MAGI2: variants seen among roughly 807,000 people sequenced by gnomAD.
MAGI2 encodes the protein membrane-associated guanylate kinase, WW and PDZ domain-containing protein 2.
Under a neutral mutation model 133.3 loss-of-function variants are expected in MAGI2, and 35 were observed. The ratio of observed to expected loss-of-function variants is 0.26; its 90% CI spans 0.20 to 0.35. The LOEUF (loss-of-function observed/expected upper bound fraction) is 0.35. Among genes scored for constraint, MAGI2 ranks in the 10% least tolerant of loss-of-function variants. The pLI is 1.00. For missense variants in MAGI2, 1,636 were observed against 1,863.4 expected (o/e 0.88, Z 2.25); for synonymous variants, 729 against 710.6 (o/e 1.03, Z -0.41).
intron 7 of MAGI2, among the ~76,000 whole-genome samples, chr7:78,368,742 A>T (rs1357866608): frequency 1.3e-5 from 2 of 152,156 alleles, no homozygotes; most frequent in East Asian, 3.8e-4. Context: ...AAGAAAAAAA[A>T]TCTAAATTTT....
Position 78,132,952 on chromosome 7 carries a change from G to C in MAGI2, c.3140C>G (p.Pro1047Arg), listed in dbSNP as rs762263535. ...TGCTGGCTGGGCGATGGGGCTGTTG[G>C]GGGTGGCTGGGCTTGGCTGGGCCAG... ...SPLAQPSPATPNSPIAQPAPP... is the reference protein window; with the variant it reads ...SPLAQPSPATRNSPIAQPAPP... Residue 1047 changes from proline to arginine, a missense_variant, in exon 18 of 22, where the codon CCC becomes CGC. By Grantham distance (103) the Pro-to-Arg change is moderately radical. This residue lies in a region of MAGI2 where 920 missense variants were observed against 1,093.5 expected (regional missense o/e 0.84). Coordinates refer to ENST00000354212, the MANE Select transcript of MAGI2 (RefSeq NM_012301.4). 7 of 1,613,760 alleles carry C rather than the reference G, an allele frequency of 4.3e-6. No homozygotes were observed. The Admixed American group carries it at 5.0e-5, about 12-fold the overall frequency.
chr7:78,483,827 A>T lies in MAGI2; in HGVS notation c.1045+5934T>A, dbSNP rs578218359. Among the ~76,000 whole-genome samples, 11 of 152,098 alleles carry T rather than the reference A, an allele frequency of 7.2e-5. No homozygotes were observed. The East Asian group carries it at 1.9e-3, about 27-fold the overall frequency. ...ATTTGAAATTTCATTTTTTACAAAC[A>T]TATATGAAATATCAGTACAAAAACA... On this transcript the variant is annotated intron_variant, in intron 6 of 21. Transcript: ENST00000354212.
At chr7:78,518,257 A>G (rs939605836) in intron 4 of MAGI2, 23 of 152,328 alleles carry the variant, frequency 1.5e-4, no homozygotes, top group Admixed American at 1.1e-3. Flanking sequence ...TTTGAAAGAT[A>G]TACAGGTAAA....
intron 21 of MAGI2, among the ~76,000 whole-genome samples, chr7:78,061,437 C>CAT (rs1813257106): frequency 6.6e-6 from 1 of 150,598 alleles, no homozygotes; most frequent in South Asian, 2.1e-4. Flanking sequence ...CACACACACA[C>CAT]ACACACACAC....
At chr7:78,294,131 G>A (rs1038312843) in intron 9 of MAGI2, among the ~76,000 whole-genome samples, 1 of 152,026 alleles carries the variant, frequency 6.6e-6, no homozygotes, top group African/African-American at 2.4e-5. Context: ...TTAGGGCTTT[G>A]TAAATATTTC....
In MAGI2 at chr7:78,338,577, T is replaced by G. The variant is rs77850364; in HGVS notation, c.1408+5201A>C. 3.3e-3 allele frequency among the ~76,000 whole-genome samples: 505 copies of G among 152,324 alleles called. 3 individuals carry two copies. Among genetic ancestry groups the G allele is most frequent in the African/African-American group, 0.011 (470 of 41,570 alleles). ...GCATCCCTAGTAATTTGGGATTTGC[T>G]AGTAATTAGCAAAATATCTGGCACA... On this transcript the variant is annotated intron_variant, in intron 9 of 21. Transcript: ENST00000354212.
intron 1 of MAGI2, among the ~76,000 whole-genome samples, chr7:79,364,085 AGAT>A (rs1842536893): frequency 6.6e-6 from 1 of 151,992 alleles, no homozygotes. Context: ...AAAAGAAAAA[AGAT>A]AAGTGTTGGT....
intron 9 of MAGI2, among the ~76,000 whole-genome samples, chr7:78,271,272 A>ATTTGCGTATG (rs1390111019): frequency 6.6e-6 from 1 of 150,816 alleles, no homozygotes; most frequent in Non-Finnish European, 1.5e-5. Flanking sequence ...CATTATGTTG[A>ATTTGCGTATG]TTGAACCAGC....
intron 2 of MAGI2, among the ~76,000 whole-genome samples, chr7:78,752,685 T>C (rs897242909): frequency 3.9e-5 from 6 of 152,218 alleles, no homozygotes; most frequent in African/African-American, 1.4e-4. Flanking sequence ...TGTAATGGAA[T>C]ACCACAGCCT....
At chr7:78,871,897 A>T (rs574324250) in intron 2 of MAGI2, among the ~76,000 whole-genome samples, 1 of 152,262 alleles carries the variant, frequency 6.6e-6, no homozygotes, top group East Asian at 1.9e-4. Flanking sequence ...ATGATGGTAA[A>T]TATAACCAAC....
At chr7:78,278,811 A>G (rs1473439777) in intron 9 of MAGI2, among the ~76,000 whole-genome samples, 2 of 152,070 alleles carry the variant, frequency 1.3e-5, no homozygotes, top group African/African-American at 4.8e-5. Context: ...TGCCCTTCAG[A>G]TTTTAAATTT....
chr7:78,057,977 G>GTGTGTATATATATATATA (rs762943472), intron 21 of MAGI2, among the ~76,000 whole-genome samples: 1 of 106,608 alleles, frequency 9.4e-6, no homozygotes, highest in African/African-American at 3.4e-5. Context: ...ATATATATGT[G>GTGTGTATATATATATATA]TATATATATA....
At chr7:78,497,750 A>ATCTATCTG (rs1554442385) in intron 5 of MAGI2, among the ~76,000 whole-genome samples, 4 of 113,412 alleles carry the variant, frequency 3.5e-5, no homozygotes, top group African/African-American at 1.4e-4. Context: ...CTATCTATCT[A>ATCTATCTG]TCTATCTATC....
intron 2 of MAGI2, among the ~76,000 whole-genome samples, chr7:78,720,500 G>T (rs1449261028): frequency 6.6e-6 from 1 of 151,798 alleles, no homozygotes; most frequent in African/African-American, 2.4e-5. Flanking sequence ...ACCATTAGTT[G>T]TATAATTTAT....
At chr7:78,586,747 A>C (rs1333209982) in intron 3 of MAGI2, among the ~76,000 whole-genome samples, 1 of 152,174 alleles carries the variant, frequency 6.6e-6, no homozygotes, top group African/African-American at 2.4e-5. Flanking sequence ...CTCTCCCTGC[A>C]GTCCTCACAA....
At chr7:78,083,359 TGGGGGGGCGG>T (rs1816201739) in intron 20 of MAGI2, among the ~76,000 whole-genome samples, 1 of 61,522 alleles carries the variant, frequency 1.6e-5, no homozygotes, top group Non-Finnish European at 3.0e-5. Context: ...AAGGAGATGG[TGGGGGGGCGG>T]GGGAGGGAGG....
intron 1 of MAGI2, among the ~76,000 whole-genome samples, chr7:79,342,521 T>C (rs1463129233): frequency 6.6e-6 from 1 of 152,198 alleles, no homozygotes; most frequent in Non-Finnish European, 1.5e-5. Flanking sequence ...TTTTTTATTA[T>C]GCAATTAAAA....
intron 7 of MAGI2, among the ~76,000 whole-genome samples, chr7:78,360,139 T>C (rs182778400): frequency 8.5e-5 from 13 of 152,338 alleles, no homozygotes; most frequent in African/African-American, 2.6e-4. Flanking sequence ...CAAAGAATAA[T>C]ATCAGTCTGC....
Position 79,393,088 on chromosome 7 carries a change from G to A in MAGI2, c.301+59932C>T, listed in dbSNP as rs557201850. On this transcript the variant is annotated intron_variant, in intron 1 of 21. Coordinates refer to ENST00000354212, the MANE Select transcript of MAGI2 (RefSeq NM_012301.4). ...TTCTCCACTAGTATCTATTTGCAGT[G>A]TATATTTGGTTAGGAAACTTGATCA... Among the ~76,000 whole-genome samples the A allele has an allele frequency of 2.6e-4, 40 of 152,264 alleles. No individual in the cohort carries two copies. The South Asian group carries it at 7.9e-3, about 30-fold the overall frequency.
Sources: allele counts gnomAD v4.1 joint callset (sites outside exome capture counted in the v4.1 genomes callset), GRCh38; gene constraint gnomAD v4.1.1; regional missense constraint gnomAD v4.1.1; transcripts MANE v1.5; gene names NCBI Gene and HGNC (gene_info 2026-07-23, HGNC 2026-07-21).